The following PSKH2 variants were observed in gnomAD, a reference collection of about 807,000 sequenced individuals.
The protein encoded by PSKH2 is protein serine kinase H2.
PSKH2 carries 16 observed loss-of-function variants against 22.5 expected under a neutral mutation model. The observed-to-expected ratio is 0.71, with a 90% confidence interval of 0.48 to 1.08. The LOEUF is 1.08. Ranked by LOEUF, PSKH2 falls within the 50% of genes least tolerant of loss-of-function variation. PSKH2 has a pLI of 0.00. For missense variants in PSKH2, 516 were observed against 492.8 expected, an observed-to-expected ratio of 1.05 and a Z score of -0.44; for synonymous variants, 188 against 184.8, an observed-to-expected ratio of 1.02 and a Z score of -0.14.
Position 86,048,552 on chromosome 8 carries a change from A to T in PSKH2, c.1068T>A (p.Ser356=). The part of the protein sequence containing the change: ...PHSQSPGSAQ[S]SKSHYSHKSR... ...ATTTGTGAGAATAATGTGACTTAGA[A>T]GACTGTGCAGATCCAGGACTCTGAG... The change falls in exon 3 of 3, where the codon TCT becomes TCA. Residue 356 remains serine, a synonymous_variant. Transcript: ENST00000276616. 1 of 1,614,122 alleles carries T rather than the reference A, an allele frequency of 6.2e-7. No individual in the cohort carries two copies. The highest frequency in any genetic ancestry group is 1.1e-5 in the South Asian group (1 of 91,076).
chr8:86,064,866 C>T (rs1029097312), intron 1 of PSKH2, among the ~76,000 whole-genome samples: 3 of 152,168 alleles, frequency 2.0e-5, no homozygotes, highest in African/African-American at 7.2e-5. Context: ...ACAATAACTA[C>T]CATTTATTAT....
In PSKH2 at chr8:86,048,493, A is replaced by G. The variant is rs1817561297; in HGVS notation, c.1127T>C (p.Ile376Thr). Residue 376 changes from isoleucine (I) to threonine (T), a missense_variant, in exon 3 of 3, where the codon ATA becomes ACA. Physicochemically the swap from Ile to Thr is moderately conservative, Grantham distance 89 (BLOSUM62 -1). Coordinates refer to ENST00000276616, the MANE Select transcript of PSKH2 (RefSeq NM_033126.3). ...AAGCGCAGACAGTGGCGATTCTACT[A>G]TCCTTAAGTTTCTCTTGCTCCACAT... The part of the protein sequence containing the change: ...RHMWSKRNLR[I>T]VESPLSALL 1.2e-6 allele frequency: 2 copies of G among 1,614,080 alleles called. No homozygotes were observed. Among genetic ancestry groups the G allele is most frequent in the African/African-American group, 1.3e-5 (1 of 75,048 alleles).
chr8:86,049,532 C>T (rs148899396), intron 2 of PSKH2, among the ~76,000 whole-genome samples: 119 of 145,950 alleles, frequency 8.2e-4, no homozygotes, highest in African/African-American at 2.8e-3. Context: ...ACACTCCAGC[C>T]TGGGTGACAG....
chr8:86,049,454 G>A (rs559519179), intron 2 of PSKH2, among the ~76,000 whole-genome samples: 1 of 151,886 alleles, frequency 6.6e-6, no homozygotes, highest in Non-Finnish European at 1.5e-5. Flanking sequence ...AACTACTCAG[G>A]AAGCTGAGGT....
rs71574254 is a variant in PSKH2, at chr8:86,066,200, C to CTT, written c.186-1571_186-1570dup. Among the ~76,000 whole-genome samples, 1,109 of 131,436 alleles carry CTT rather than the reference C, an allele frequency of 8.4e-3. 17 individuals carry two copies. The highest frequency in any genetic ancestry group is 0.026 in the African/African-American group (922 of 35,536). 86.2% of individuals were successfully genotyped at this position (131,436 alleles called of 152,430 possible). A position where few individuals can be genotyped will look rare whatever the true frequency, so the allele number is the denominator to read the frequency against. ...GAGTCAGGATTAGAACGCAGGTCTC[C>CTT]TTTTTTTTTTTTTTTTTGAGATGGA... On this transcript the variant is annotated intron_variant, in intron 1 of 2. Transcript: ENST00000276616.
rs1363102902 is a variant in PSKH2 at position 86,049,747 on chromosome 8, A to AAAGAAAGGAAAGAAAGAAAGAAAGG, written c.853-981_853-980insCCTTTCTTTCTTTCTTTCCTTTCTT. On this transcript the variant is annotated intron_variant, in intron 2 of 2. Coordinates refer to ENST00000276616, the MANE Select transcript of PSKH2 (RefSeq NM_033126.3). ...GAAAGAAAGAAAGAAAGAAAGAAAG[A>AAAGAAAGGAAAGAAAGAAAGAAAGG]AACGAAAGAAAGAAAGAAAGAGAAA... 1.5e-3 allele frequency among the ~76,000 whole-genome samples: 17 copies of AAAGAAAGGAAAGAAAGAAAGAAAGG among 11,452 alleles called. 2 individuals carry two copies. The South Asian group carries it at 0.043, about 29-fold the overall frequency. 7.5% of individuals were successfully genotyped at this position (11,452 alleles called of 152,430 possible). A position where few individuals can be genotyped will look rare whatever the true frequency, so the allele number is the denominator to read the frequency against.
chr8:86,050,916 T>G (rs141681218), intron 2 of PSKH2, among the ~76,000 whole-genome samples: 127 of 152,302 alleles, frequency 8.3e-4, no homozygotes, highest in African/African-American at 2.8e-3. Context: ...TGTTTTGTTT[T>G]GCTTTTTTTA....
At chr8:86,059,204 G>A (rs1318375920) in intron 2 of PSKH2, among the ~76,000 whole-genome samples, 4 of 152,136 alleles carry the variant, frequency 2.6e-5, no homozygotes, top group Non-Finnish European at 5.9e-5. Flanking sequence ...GCCTCCCAAA[G>A]TTTTGGGATT....
At position 86,048,380 on chromosome 8, in the gene PSKH2, C is replaced by T. The variant is rs1296006511; in HGVS notation, c.*82G>A. On this transcript the variant is annotated 3_prime_UTR_variant, in exon 3 of 3. Transcript: ENST00000276616. The stretch of plus-strand genomic sequence containing the variant: ...TAGTATCCAACAATACCATGGAGTC[C>T]CGTGTCTTTGGAGCTTGAGGGTGCC... 1.0e-5 allele frequency: 10 copies of T among 985,606 alleles called. No homozygotes were observed. Among genetic ancestry groups the T allele is most frequent in the Non-Finnish European group, 1.5e-5 (10 of 651,460 alleles). 61.1% of individuals were successfully genotyped at this position (985,606 alleles called of 1,614,324 possible).
chr8:86,067,945 C>A (rs1453210472), intron 1 of PSKH2, among the ~76,000 whole-genome samples: 1 of 152,162 alleles, frequency 6.6e-6, no homozygotes, highest in Non-Finnish European at 1.5e-5. Flanking sequence ...TGTTGAGATC[C>A]TCTACTTCTG....
chr8:86,063,669 G>A (rs992353480), intron 2 of PSKH2, among the ~76,000 whole-genome samples: 1 of 152,238 alleles, frequency 6.6e-6, no homozygotes, highest in African/African-American at 2.4e-5. Flanking sequence ...TCAGTGTCAT[G>A]TGCTAACCAC....
Position 86,064,100 on chromosome 8 carries a change from A to G in PSKH2, c.717T>C (p.Tyr239=), listed in dbSNP as rs749109388. 5.0e-6 allele frequency: 8 copies of G among 1,614,062 alleles called. No individual in the cohort carries two copies. Among genetic ancestry groups the G allele is most frequent in the Middle Eastern group, 1.6e-4 (1 of 6,084 alleles). ...GAGCCCACATGTCCACTGCACTGGT[A>G]TAAGGCTTCCTTAGCAAAACCTCAG... ...IAPEVLLRKP[Y]TSAVDMWALG... The change falls in exon 2 of 3, where the codon TAT becomes TAC. Residue 239 remains tyrosine, a synonymous_variant. Transcript: ENST00000276616.
intron 2 of PSKH2, among the ~76,000 whole-genome samples, chr8:86,052,802 A>G (rs555192597): frequency 1.2e-3 from 179 of 152,366 alleles, no homozygotes; most frequent in African/African-American, 4.0e-3. Flanking sequence ...CAAGATCATT[A>G]AATTAATTTA....
chr8:86,068,134 C>T (rs1451997830), intron 1 of PSKH2, among the ~76,000 whole-genome samples: 1 of 152,180 alleles, frequency 6.6e-6, no homozygotes, highest in African/African-American at 2.4e-5. Context: ...TCATATTAGC[C>T]AGCCTTGTTC....
At position 86,050,861 on chromosome 8, in the gene PSKH2, C is replaced by A. The variant is rs114837108; in HGVS notation, c.853-2094G>T. Among the ~76,000 whole-genome samples, 145 of 152,282 alleles carry A rather than the reference C, an allele frequency of 9.5e-4. 1 individual carries two copies. The highest frequency in any genetic ancestry group is 3.4e-3 in the African/African-American group (143 of 41,564). The stretch of plus-strand genomic sequence containing the variant: ...AGAGTCCATACATAGACATCACATT[C>A]TCCAATCTCTTAGCACCCTATTAAC... On this transcript the variant is annotated intron_variant, in intron 2 of 2. Transcript: ENST00000276616.
At chr8:86,065,691 G>A (rs1037716505) in intron 1 of PSKH2, among the ~76,000 whole-genome samples, 2 of 152,102 alleles carry the variant, frequency 1.3e-5, no homozygotes, top group Admixed American at 6.6e-5. Flanking sequence ...TTAAGAATCT[G>A]GCCAGGCACG....
At chr8:86,063,222 T>C (rs1817803395) in intron 2 of PSKH2, among the ~76,000 whole-genome samples, 1 of 152,240 alleles carries the variant, frequency 6.6e-6, no homozygotes, top group Non-Finnish European at 1.5e-5. Flanking sequence ...GCTGTAGATA[T>C]ACACGTTACA....
Position 86,064,347 on chromosome 8 carries a change from T to C in PSKH2, c.470A>G (p.Glu157Gly). 4.3e-6 allele frequency: 7 copies of C among 1,614,104 alleles called. No individual in the cohort carries two copies. Among genetic ancestry groups the C allele is most frequent in the Non-Finnish European group, 5.9e-6 (7 of 1,180,014 alleles). Residue 157 changes from glutamate to glycine, a missense_variant, in exon 2 of 3, where the codon GAG (glutamate) becomes GGG (glycine). By Grantham distance (98) the Glu-to-Gly change is moderately conservative (BLOSUM62 -2). Coordinates refer to ENST00000276616, the MANE Select transcript of PSKH2 (RefSeq NM_033126.3). ...CTGGAGGATCCTGACGGCATCCCGC[T>C]CTGTAAAGGATCCCTGAGCAATGAG... Reference protein sequence around the residue: ...DRLIAQGSFTERDAVRILQMV... With the variant: ...DRLIAQGSFTGRDAVRILQMV...
chr8:86,065,054 C>T (rs1306449700), intron 1 of PSKH2, among the ~76,000 whole-genome samples: 1 of 152,208 alleles, frequency 6.6e-6, no homozygotes, highest in Non-Finnish European at 1.5e-5. Flanking sequence ...CCAGCCCTTT[C>T]AAATGCATTT....
Sources: allele counts gnomAD v4.1 joint callset (sites outside exome capture counted in the v4.1 genomes callset), GRCh38; gene constraint gnomAD v4.1.1; transcripts MANE v1.5; gene names NCBI Gene and HGNC (gene_info 2026-07-23, HGNC 2026-07-21).